The following GRIN2A variants were observed in gnomAD, a reference collection of about 807,000 sequenced individuals.
GRIN2A encodes the protein glutamate receptor ionotropic, NMDA 2A.
A neutral mutation model predicts 113.4 loss-of-function variants in GRIN2A; 22 were observed. The observed-to-expected ratio is 0.19, with a 90% CI of 0.14 to 0.28. GRIN2A has a LOEUF of 0.28. Among genes scored for constraint, GRIN2A ranks in the 10% least tolerant of loss-of-function variants. The pLI, the probability that GRIN2A is intolerant of heterozygous loss-of-function variation, is 1.00. For synonymous variants in GRIN2A, 827 were observed against 738.4 expected (o/e 1.12, Z -1.94); for missense variants, 1,502 against 1,887.0 (o/e 0.80, Z 3.78).
chr16:9,913,975 G>T (rs1467085012), intron 3 of GRIN2A, among the ~76,000 whole-genome samples: 1 of 150,734 alleles, frequency 6.6e-6, no homozygotes, highest in Admixed American at 6.6e-5. Flanking sequence ...AAGAAAAAAA[G>T]AAAAGAACAA....
chr16:9,845,448 G>A (rs1279506413), intron 5 of GRIN2A, among the ~76,000 whole-genome samples: 3 of 152,114 alleles, frequency 2.0e-5, no homozygotes, highest in Non-Finnish European at 4.4e-5. Flanking sequence ...GTTATCATAG[G>A]GGAGGTGTCC....
intron 2 of GRIN2A, among the ~76,000 whole-genome samples, chr16:10,038,129 G>A (rs1316054902): frequency 6.6e-6 from 1 of 152,176 alleles, no homozygotes; most frequent in African/African-American, 2.4e-5. Context: ...CAAGATCAAG[G>A]TGCCAGCATA....
At chr16:10,015,816 C>T (rs1409443194) in intron 2 of GRIN2A, among the ~76,000 whole-genome samples, 1 of 152,124 alleles carries the variant, frequency 6.6e-6, no homozygotes, top group Admixed American at 6.5e-5. Flanking sequence ...AATGGACAGC[C>T]ACACAGAACC....
In GRIN2A at chr16:9,773,948, G is replaced by A. The variant is rs1035216731; in HGVS notation, c.2357-4859C>T. Among the ~76,000 whole-genome samples, 102 of 61,936 alleles carry A rather than the reference G, an allele frequency of 1.6e-3. 1 individual carries two copies. The highest frequency in any genetic ancestry group is 9.7e-4 in the Non-Finnish European group (23 of 23,658). The allele number at this position is 61,936 out of a possible 152,430, so 40.6% of individuals were successfully genotyped here. ...TCAGAGAGATGCAGAATCTAAAAGGGAACAGGCAAGGGTAATTGAGGCAGT... is the reference window on the plus strand; with the variant it reads ...TCAGAGAGATGCAGAATCTAAAAGGAAACAGGCAAGGGTAATTGAGGCAGT... On this transcript the variant is annotated intron_variant, in intron 11 of 12. Transcript: ENST00000330684.
At chr16:10,056,317 C>T (rs1265442356) in intron 2 of GRIN2A, among the ~76,000 whole-genome samples, 2 of 152,096 alleles carry the variant, frequency 1.3e-5, no homozygotes, top group South Asian at 2.1e-4. Context: ...TTCAACCCTA[C>T]ATCTTTCCAC....
chr16:10,059,462 A>G (rs577068389), intron 2 of GRIN2A, among the ~76,000 whole-genome samples: 1 of 152,294 alleles, frequency 6.6e-6, no homozygotes, highest in East Asian at 1.9e-4. Flanking sequence ...ACTCATTCTC[A>G]GGGCCATGCA....
At chr16:9,993,652 G>A (rs1054680298) in intron 2 of GRIN2A, among the ~76,000 whole-genome samples, 2 of 152,206 alleles carry the variant, frequency 1.3e-5, no homozygotes, top group Non-Finnish European at 2.9e-5. Flanking sequence ...CAATGGGCAT[G>A]CTTCCCTCCT....
intron 4 of GRIN2A, among the ~76,000 whole-genome samples, chr16:9,857,913 G>T (rs908040271): frequency 3.3e-5 from 5 of 152,158 alleles, no homozygotes; most frequent in African/African-American, 1.2e-4. Context: ...CATAAATCAC[G>T]CTTTTCTCCA....
At chr16:10,114,096 G>C (rs1048760972) in intron 2 of GRIN2A, among the ~76,000 whole-genome samples, 1 of 152,130 alleles carries the variant, frequency 6.6e-6, no homozygotes, top group Non-Finnish European at 1.5e-5. Flanking sequence ...GGAGGCTGAG[G>C]CAAGAAAAAT....
intron 11 of GRIN2A, among the ~76,000 whole-genome samples, chr16:9,772,807 A>G (rs984107432): frequency 3.9e-5 from 6 of 152,072 alleles, no homozygotes; most frequent in African/African-American, 1.4e-4. Context: ...AGTCTGATAT[A>G]AGAAACATCA....
chr16:9,879,176 T>C (rs1273559387), intron 4 of GRIN2A, among the ~76,000 whole-genome samples: 2 of 152,144 alleles, frequency 1.3e-5, no homozygotes, highest in African/African-American at 4.8e-5. Context: ...GATCATTATA[T>C]AAGGAAACAA....
At chr16:10,072,093 G>A (rs141825393) in intron 2 of GRIN2A, among the ~76,000 whole-genome samples, 63 of 152,280 alleles carry the variant, frequency 4.1e-4, no homozygotes, top group African/African-American at 1.3e-3. Flanking sequence ...TCTATCTGGG[G>A]ACTTGGAAAC....
At chr16:10,088,756 A>G (rs2048129787) in intron 2 of GRIN2A, among the ~76,000 whole-genome samples, 1 of 152,196 alleles carries the variant, frequency 6.6e-6, no homozygotes, top group Non-Finnish European at 1.5e-5. Context: ...CTCCAGAGTC[A>G]GCAGCACTGG....
intron 4 of GRIN2A, among the ~76,000 whole-genome samples, chr16:9,867,080 C>T (rs971113757): frequency 6.6e-6 from 1 of 152,138 alleles, no homozygotes. Flanking sequence ...ATAACATTAA[C>T]AGATTTCTTG....
chr16:10,128,421 A>G (rs1456356143), intron 2 of GRIN2A, among the ~76,000 whole-genome samples: 1 of 152,216 alleles, frequency 6.6e-6, no homozygotes, highest in African/African-American at 2.4e-5. Context: ...ATTCTGATGG[A>G]AGGAGCTGTA....
chr16:10,179,893 C>CCCAAAAAAAAAAAAAAAAATAAA, intron 2 of GRIN2A, 105 bp downstream of exon 2: 1 of 719,816 alleles, frequency 1.4e-6, no homozygotes, highest in Non-Finnish European at 2.4e-6. Context: ...CCCCCACCCC[C>CCCAAAAAAAAAAAAAAAAATAAA]ACTTCACATC....
chr16:10,103,400 A>T (rs2048437363), intron 2 of GRIN2A, among the ~76,000 whole-genome samples: 1 of 152,218 alleles, frequency 6.6e-6, no homozygotes, highest in Non-Finnish European at 1.5e-5. Flanking sequence ...AAGGGCAGTG[A>T]TCAATCATTT....
rs111844068 is a variant in GRIN2A, at chr16:9,891,109, G to C, written c.1008-9C>G. The C allele has an allele frequency of 7.1e-6, 11 of 1,560,044 alleles. No homozygotes were observed. The African/African-American group carries it at 1.5e-4, about 21-fold the overall frequency. ...TAACATTGACCATAAATCTAGAAAG[G>C]GGAAGAGAGAAAGACAAATTTTTAG... On this transcript the variant is annotated splice_polypyrimidine_tract_variant and intron_variant, in intron 3 of 12. Coordinates refer to ENST00000330684, the MANE Select transcript of GRIN2A (RefSeq NM_001134407.3).
rs139295125 is a variant in GRIN2A at position 10,112,437 on chromosome 16, G to A, written c.414+67561C>T. On this transcript the variant is annotated intron_variant, in intron 2 of 12. Coordinates refer to ENST00000330684, the MANE Select transcript of GRIN2A (RefSeq NM_001134407.3). The stretch of plus-strand genomic sequence containing the variant: ...TGCTGTGTACAAGGTGGCCAAGTAC[G>A]CTCAGCACTTTGGTGTGTCCATCAT... 505 of 755,236 alleles carry A rather than the reference G, an allele frequency of 6.7e-4. 1 individual carries two copies. Among genetic ancestry groups the A allele is most frequent in the Non-Finnish European group, 3.6e-4 (147 of 410,816 alleles). 46.8% of individuals were successfully genotyped at this position (755,236 alleles called of 1,614,324 possible). A position where few individuals can be genotyped will look rare whatever the true frequency, so the allele number is the denominator to read the frequency against.
Sources: gnomAD v4.1 joint callset for allele counts (sites outside exome capture counted in the v4.1 genomes callset) on GRCh38, gnomAD v4.1.1 for gene constraint, MANE v1.5 for transcripts, NCBI Gene and HGNC (gene_info 2026-07-23, HGNC 2026-07-21) for gene names.